MARCHF1: variants seen among roughly 807,000 people sequenced by gnomAD.
The protein encoded by MARCHF1 is E3 ubiquitin-protein ligase MARCHF1.
Under a neutral mutation model 54.2 loss-of-function variants are expected in MARCHF1, and 40 were observed. The observed-to-expected ratio is 0.74, with a 90% CI of 0.57 to 0.96. The LOEUF (loss-of-function observed/expected upper bound fraction) is 0.96. Among genes scored for constraint, MARCHF1 ranks in the 40% least tolerant of loss-of-function variants. MARCHF1 has a pLI of 0.00. For synonymous variants in MARCHF1, 236 were observed against 236.3 expected, an observed-to-expected ratio of 1.00 and a Z score of 0.01; for missense variants, 586 against 656.5, an observed-to-expected ratio of 0.89 and a Z score of 1.17.
intron 5 of MARCHF1, among the ~76,000 whole-genome samples, chr4:163,700,528 A>AGAAGGAAGGAAGGAAGGAAGGAAGGAAG (rs57173687): frequency 3.5e-5 from 4 of 114,488 alleles, no homozygotes; most frequent in African/African-American, 1.0e-4. Flanking sequence ...AAAGAAAGAA[A>AGAAGGAAGGAAGGAAGGAAGGAAGGAAG]GAAGGAAGGA....
chr4:163,564,987 G>A (rs926429759), intron 8 of MARCHF1, among the ~76,000 whole-genome samples: 6 of 152,056 alleles, frequency 3.9e-5, no homozygotes, highest in South Asian at 2.1e-4. Flanking sequence ...ACTGGGCCTC[G>A]ACTCTTAAAA....
intron 9 of MARCHF1, among the ~76,000 whole-genome samples, chr4:163,531,529 C>G (rs1738350212): frequency 6.6e-6 from 1 of 151,836 alleles, no homozygotes; most frequent in African/African-American, 2.4e-5. Context: ...CCCCTAAGAT[C>G]AGGAACAAGA....
intron 3 of MARCHF1, among the ~76,000 whole-genome samples, chr4:163,912,880 T>C (rs1219758734): frequency 1.3e-5 from 2 of 152,224 alleles, no homozygotes; most frequent in African/African-American, 2.4e-5. Context: ...AAAGCTACTT[T>C]AAAAAATACG....
intron 1 of MARCHF1, among the ~76,000 whole-genome samples, chr4:164,209,227 G>A (rs1001980475): frequency 2.0e-5 from 3 of 152,148 alleles, no homozygotes; most frequent in Admixed American, 6.5e-5. Flanking sequence ...AAAATATGAT[G>A]CCTGATCAGA....
At chr4:164,028,115 T>C (rs543358219) in intron 2 of MARCHF1, among the ~76,000 whole-genome samples, 1 of 152,254 alleles carries the variant, frequency 6.6e-6, no homozygotes, top group South Asian at 2.1e-4. Context: ...GCTTATGCAG[T>C]GTTGGTGGGA....
chr4:164,188,878 T>C (rs1345982185), intron 1 of MARCHF1: 12 of 778,226 alleles, frequency 1.5e-5, no homozygotes, highest in Admixed American at 6.8e-5. Flanking sequence ...AGTTTACCCA[T>C]GCAGTTTTTA....
intron 4 of MARCHF1, among the ~76,000 whole-genome samples, chr4:163,715,039 A>G (rs1745217173): frequency 6.6e-6 from 1 of 152,200 alleles, no homozygotes; most frequent in Admixed American, 6.5e-5. Flanking sequence ...GAAAAAAGTC[A>G]CATCTGTTTT....
intron 4 of MARCHF1, among the ~76,000 whole-genome samples, chr4:163,828,263 T>C (rs1019155358): frequency 6.6e-6 from 1 of 152,214 alleles, no homozygotes; most frequent in African/African-American, 2.4e-5. Context: ...TTAACTACTT[T>C]TGGACCAACC....
chr4:163,742,382 ACCTC>A (rs1746225555), intron 4 of MARCHF1, among the ~76,000 whole-genome samples: 1 of 61,876 alleles, frequency 1.6e-5, no homozygotes, highest in African/African-American at 6.9e-5. Context: ...CTCCCTCGCT[ACCTC>A]CTTCCTTCCT....
intron 9 of MARCHF1, among the ~76,000 whole-genome samples, chr4:163,532,931 T>TCTTC (rs1738402328): frequency 2.0e-5 from 3 of 151,958 alleles, no homozygotes; most frequent in African/African-American, 7.2e-5. Flanking sequence ...TGCAAAATGG[T>TCTTC]ACAGTCACTT....
At chr4:163,890,227 C>G (rs1230800778) in intron 3 of MARCHF1, among the ~76,000 whole-genome samples, 1 of 151,974 alleles carries the variant, frequency 6.6e-6, no homozygotes, top group Non-Finnish European at 1.5e-5. Flanking sequence ...AGCCACCACG[C>G]CCAGCCTCTT....
At chr4:164,156,725 G>GCC (rs1730087757) in intron 1 of MARCHF1, among the ~76,000 whole-genome samples, 1 of 152,040 alleles carries the variant, frequency 6.6e-6, no homozygotes, top group Non-Finnish European at 1.5e-5. Flanking sequence ...CACCATGCCC[G>GCC]CCCTTAATTC....
chr4:164,117,109 T>C (rs1179349380), intron 1 of MARCHF1, among the ~76,000 whole-genome samples: 25 of 151,868 alleles, frequency 1.6e-4, no homozygotes, highest in Admixed American at 1.6e-3. Context: ...AATACAAAAA[T>C]TAGCCAGACG....
chr4:163,922,218 T>C (rs1211392735), intron 3 of MARCHF1, among the ~76,000 whole-genome samples: 1 of 33,896 alleles, frequency 3.0e-5, no homozygotes, highest in African/African-American at 1.1e-4. Flanking sequence ...TGTTGTGGGG[T>C]GGGGGGAGTG....
chr4:163,722,676 G>C lies in MARCHF1; in HGVS notation c.112-21813C>G, dbSNP rs575558978. Among the ~76,000 whole-genome samples, 4 of 152,294 alleles carry C rather than the reference G, an allele frequency of 2.6e-5. No homozygotes were observed. In the South Asian group the frequency reaches 8.3e-4, roughly 32 times the overall value. Reference sequence around the variant, plus strand: ...TTGTGGGAGTCTAAATCTCTTTGTAGATCTCTAAGGACTTGCTTTATGAAT... The same window carrying C: ...TTGTGGGAGTCTAAATCTCTTTGTACATCTCTAAGGACTTGCTTTATGAAT... On this transcript the variant is annotated intron_variant, in intron 4 of 9. Coordinates refer to ENST00000514618, the MANE Select transcript of MARCHF1 (RefSeq NM_001394959.1).
intron 1 of MARCHF1, among the ~76,000 whole-genome samples, chr4:164,164,940 T>C (rs1460336444): frequency 2.0e-5 from 3 of 151,984 alleles, no homozygotes; most frequent in Admixed American, 2.0e-4. Context: ...GGAAAGCATC[T>C]AGAATCATAA....
chr4:164,354,593 A>T (rs1359432670), intron 1 of MARCHF1, among the ~76,000 whole-genome samples: 1 of 143,888 alleles, frequency 6.9e-6, no homozygotes, highest in African/African-American at 2.6e-5. Flanking sequence ...TCAATAAATT[A>T]GGTATTGATG....
At chr4:163,779,063 T>C (rs1747388186) in intron 4 of MARCHF1, among the ~76,000 whole-genome samples, 1 of 152,210 alleles carries the variant, frequency 6.6e-6, no homozygotes, top group Non-Finnish European at 1.5e-5. Context: ...AAATGTATTG[T>C]CTTTTCATTA....
chr4:163,986,048 A>G (rs1752855213), intron 3 of MARCHF1, among the ~76,000 whole-genome samples: 1 of 151,958 alleles, frequency 6.6e-6, no homozygotes, highest in South Asian at 2.1e-4. Context: ...TATCAAAACA[A>G]GTTATTCGGC....
Sources: allele counts gnomAD v4.1 joint callset (sites outside exome capture counted in the v4.1 genomes callset), GRCh38; gene constraint gnomAD v4.1.1; transcripts MANE v1.5; gene names NCBI Gene and HGNC (gene_info 2026-07-23, HGNC 2026-07-21).